The following STARD3NL variants were observed in gnomAD, a reference collection of about 807,000 sequenced individuals.
The protein encoded by STARD3NL is STARD3 N-terminal like.
In STARD3NL, 17 loss-of-function variants were observed where a neutral mutation model predicts 30.9. That is an observed-to-expected ratio of 0.55 (90% confidence interval 0.38 to 0.82). The LOEUF is 0.82. STARD3NL is among the 40% of genes least tolerant of loss of function. The pLI, the probability that STARD3NL is intolerant of heterozygous loss-of-function variation, is 0.00. For missense variants in STARD3NL, 234 were observed against 277.6 expected (o/e 0.84, Z 1.12); for synonymous variants, 112 against 100.5 (o/e 1.11, Z -0.69).
intron 1 of STARD3NL, among the ~76,000 whole-genome samples, chr7:38,178,864 C>A (rs80182201): frequency 1.7e-3 from 244 of 142,012 alleles, no homozygotes; most frequent in South Asian, 4.3e-3. Context: ...AAGTCGTGTT[C>A]AAAAAAAAAA....
chr7:38,193,765 A>G (rs1312435212), intron 1 of STARD3NL, among the ~76,000 whole-genome samples: 3 of 152,170 alleles, frequency 2.0e-5, no homozygotes, highest in Non-Finnish European at 2.9e-5. Flanking sequence ...AGGAAGCTCT[A>G]TTCATTTTGT....
chr7:38,188,653 G>C lies in STARD3NL; in HGVS notation c.-59+10233G>C, dbSNP rs574134574. Among the ~76,000 whole-genome samples, 175 of 152,216 alleles carry C rather than the reference G, an allele frequency of 1.1e-3. 1 individual carries two copies. The highest frequency in any genetic ancestry group is 9.1e-3 in the South Asian group (44 of 4,824). ...TGAATTTTCAAACATTATGAAGTGC[G>C]GTTCTTAAACCATGTAGTTCACATC... is the stretch of plus-strand genomic sequence containing the variant. On this transcript the variant is annotated intron_variant, in intron 1 of 8. Transcript: ENST00000009041.
chr7:38,214,707 A>C (rs144956646), intron 3 of STARD3NL, among the ~76,000 whole-genome samples: 44 of 152,374 alleles, frequency 2.9e-4, no homozygotes, highest in African/African-American at 8.9e-4. Flanking sequence ...TTATTCTTTC[A>C]AATGGCTCAA....
intron 1 of STARD3NL, among the ~76,000 whole-genome samples, chr7:38,204,074 A>C (rs1488517033): frequency 4.6e-5 from 7 of 152,196 alleles, no homozygotes; most frequent in Non-Finnish European, 5.9e-5. Context: ...TAGACAGATC[A>C]ACGAGACAGA....
chr7:38,226,250 T>TTTA (rs144279287), intron 7 of STARD3NL, among the ~76,000 whole-genome samples: 1 of 22 alleles, frequency 0.045, no homozygotes, highest in African/African-American at 0.17. Flanking sequence ...GTTCTTGCTC[T>TTTA]TTGTTTAGTA....
chr7:38,181,118 A>G (rs1456881010), intron 1 of STARD3NL, among the ~76,000 whole-genome samples: 1 of 152,230 alleles, frequency 6.6e-6, no homozygotes, highest in Non-Finnish European at 1.5e-5. Flanking sequence ...ATGAACAGGT[A>G]TAAACTTTCT....
At chr7:38,189,119 A>ATG (rs56335057) in intron 1 of STARD3NL, among the ~76,000 whole-genome samples, 66,382 of 150,374 alleles carry the variant, frequency 0.44, 14,973 homozygotes, top group Admixed American at 0.58. Context: ...GCAGCCTTGG[A>ATG]TGTGTGTGTG....
chr7:38,197,059 A>G (rs767223541), intron 1 of STARD3NL, among the ~76,000 whole-genome samples: 8 of 152,106 alleles, frequency 5.3e-5, no homozygotes, highest in Non-Finnish European at 8.8e-5. Context: ...TGTCACACAC[A>G]TGCATCAGCT....
At chr7:38,215,166 C>A in intron 4 of STARD3NL, 61 bp downstream of exon 4, 1 of 1,495,184 alleles carries the variant, frequency 6.7e-7, no homozygotes, top group Non-Finnish European at 9.3e-7. Context: ...GTCCTGCTCT[C>A]AACAGGCCTG....
chr7:38,200,813 C>G (rs1785140734), intron 1 of STARD3NL, among the ~76,000 whole-genome samples: 1 of 152,110 alleles, frequency 6.6e-6, no homozygotes, highest in Non-Finnish European at 1.5e-5. Flanking sequence ...TAGAGCCTGT[C>G]AACTTTGTTG....
chr7:38,185,928 A>G (rs1784441118), intron 1 of STARD3NL, among the ~76,000 whole-genome samples: 1 of 152,214 alleles, frequency 6.6e-6, no homozygotes, highest in Non-Finnish European at 1.5e-5. Context: ...TTTCAGATCT[A>G]GATTAATAAG....
chr7:38,198,719 T>C (rs1320650053), intron 1 of STARD3NL, among the ~76,000 whole-genome samples: 1 of 152,168 alleles, frequency 6.6e-6, no homozygotes, highest in African/African-American at 2.4e-5. Flanking sequence ...CTCTCTCTTC[T>C]CCTCCTAGGA....
chr7:38,226,152 GT>G (rs11286474), intron 7 of STARD3NL, among the ~76,000 whole-genome samples: 44,663 of 102,778 alleles, frequency 0.43, 8,446 homozygotes, highest in African/African-American at 0.48. Context: ...TGCCTATCTT[GT>G]TTTTTTTTTT....
intron 7 of STARD3NL, among the ~76,000 whole-genome samples, chr7:38,223,610 G>T (rs1042605896): frequency 3.9e-5 from 6 of 152,086 alleles, no homozygotes; most frequent in East Asian, 1.9e-4. Context: ...GCCTTCTTCT[G>T]GTTGCCCCAT....
rs1310372274 is a variant in STARD3NL at position 38,228,674 on chromosome 7, A to C, written c.650-125A>C. The C allele has an allele frequency of 8.6e-6, 6 of 695,952 alleles. No individual in the cohort carries two copies. The East Asian group carries it at 1.7e-4, about 20-fold the overall frequency. 43.1% of individuals were successfully genotyped at this position (695,952 alleles called of 1,614,324 possible). On this transcript the variant is annotated intron_variant, in intron 7 of 8. Coordinates refer to ENST00000009041, the MANE Select transcript of STARD3NL (RefSeq NM_032016.4). ...AATAGCAGTTAACCTAAATCTCTTG[A>C]GGATTAAACATATGTTTAATGTTTT...
chr7:38,201,046 C>CA (rs139645287), intron 1 of STARD3NL, among the ~76,000 whole-genome samples: 10,103 of 152,228 alleles, frequency 0.066, 1,106 homozygotes, highest in African/African-American at 0.23. Context: ...TTTTCATAAC[C>CA]TAACAGAGAT....
At chr7:38,182,487 G>A (rs148912565) in intron 1 of STARD3NL, among the ~76,000 whole-genome samples, 65 of 152,296 alleles carry the variant, frequency 4.3e-4, no homozygotes, top group African/African-American at 1.4e-3. Context: ...TGCAGTGCTA[G>A]GCTAAGAAGC....
chr7:38,185,288 T>C (rs1426720883), intron 1 of STARD3NL, among the ~76,000 whole-genome samples: 1 of 152,224 alleles, frequency 6.6e-6, no homozygotes, highest in Non-Finnish European at 1.5e-5. Context: ...TGACTTTCCC[T>C]GTCTGTCACA....
chr7:38,182,630 G>C (rs540082913), intron 1 of STARD3NL, among the ~76,000 whole-genome samples: 2 of 152,222 alleles, frequency 1.3e-5, no homozygotes, highest in African/African-American at 4.8e-5. Context: ...CAGTTGTTTT[G>C]CTTGCTTTAT....
Sources: allele counts gnomAD v4.1 joint callset (sites outside exome capture counted in the v4.1 genomes callset), GRCh38; gene constraint gnomAD v4.1.1; transcripts MANE v1.5; gene names NCBI Gene and HGNC (gene_info 2026-07-23, HGNC 2026-07-21).